Variants in KCNT2 observed in about 807,000 individuals in gnomAD.
KCNT2 encodes potassium channel subfamily T member 2.
A neutral mutation model predicts 153.8 loss-of-function variants in KCNT2; 67 were observed. The observed-to-expected ratio is 0.44, with a 90% confidence interval of 0.36 to 0.53. The LOEUF (loss-of-function observed/expected upper bound fraction) is 0.53, where lower values mean the gene tolerates loss of function less well. KCNT2 is among the 20% of genes least tolerant of loss of function. The pLI is 0.00. For missense variants in KCNT2, 975 were observed against 1,354.8 expected (o/e 0.72, Z 4.40); for synonymous variants, 500 against 458.8 (o/e 1.09, Z -1.15).
chr1:196,554,746 CT>C (rs1463427249), intron 1 of KCNT2, among the ~76,000 whole-genome samples: 9 of 151,190 alleles, frequency 6.0e-5, no homozygotes, highest in African/African-American at 1.9e-4. Flanking sequence ...ACACAAAATA[CT>C]AGCAAACCAA....
At chr1:196,351,192 T>A (rs879379748) in intron 14 of KCNT2, among the ~76,000 whole-genome samples, 2 of 152,180 alleles carry the variant, frequency 1.3e-5, no homozygotes, top group Non-Finnish European at 2.9e-5. Context: ...TGCGGGCTTT[T>A]TTTTGGTGCC....
At chr1:196,316,547 A>G (rs1662744087) in intron 20 of KCNT2, among the ~76,000 whole-genome samples, 1 of 151,734 alleles carries the variant, frequency 6.6e-6, no homozygotes, top group East Asian at 1.9e-4. Flanking sequence ...TATGTGCTAT[A>G]GATTGGTTCT....
intron 3 of KCNT2, among the ~76,000 whole-genome samples, chr1:196,483,338 C>A (rs1342230958): frequency 1.3e-5 from 2 of 152,154 alleles, no homozygotes; most frequent in Non-Finnish European, 2.9e-5. Context: ...TCACCTTATT[C>A]TAAGCCACCA....
At chr1:196,598,415 A>G (rs1664341380) in intron 1 of KCNT2, among the ~76,000 whole-genome samples, 1 of 152,172 alleles carries the variant, frequency 6.6e-6, no homozygotes, top group Non-Finnish European at 1.5e-5. Context: ...TTTCCATGTC[A>G]TTCTACTTTC....
intron 19 of KCNT2, among the ~76,000 whole-genome samples, chr1:196,325,614 C>T (rs1391983105): frequency 6.6e-6 from 1 of 152,052 alleles, no homozygotes; most frequent in Non-Finnish European, 1.5e-5. Context: ...TTTTAACAAA[C>T]TTTTATTTCT....
chr1:196,310,748 G>A (rs978831744), intron 21 of KCNT2, among the ~76,000 whole-genome samples: 5 of 151,548 alleles, frequency 3.3e-5, no homozygotes, highest in East Asian at 1.9e-4. Context: ...TTAACTGGTC[G>A]GCTCTCACCC....
chr1:196,523,292 A>T lies in KCNT2; in HGVS notation c.96-30951T>A, dbSNP rs1000451397. ...ATCTGAAGGAACAAACTCAGGACAC[A>T]CCATCTTTAAGAACGGTAACACTCA... On this transcript the variant is annotated intron_variant, in intron 1 of 27. Transcript: ENST00000294725. Among the ~76,000 whole-genome samples the T allele has an allele frequency of 4.6e-5, 7 of 152,134 alleles. No homozygotes were observed. The South Asian group carries it at 1.0e-3, about 23-fold the overall frequency.
intron 3 of KCNT2, among the ~76,000 whole-genome samples, chr1:196,485,494 T>C (rs1679347372): frequency 6.6e-6 from 1 of 152,018 alleles, no homozygotes; most frequent in Admixed American, 6.6e-5. Flanking sequence ...AGAAATCTGC[T>C]TACGTCAAAC....
intron 1 of KCNT2, among the ~76,000 whole-genome samples, chr1:196,535,660 G>A (rs1289815023): frequency 6.6e-6 from 1 of 152,156 alleles, no homozygotes; most frequent in Non-Finnish European, 1.5e-5. Context: ...TGGTGGGGTG[G>A]TGGGTAGCTA....
At chr1:196,286,300 G>A (rs1048363648) in intron 22 of KCNT2, among the ~76,000 whole-genome samples, 2 of 152,014 alleles carry the variant, frequency 1.3e-5, no homozygotes, top group Non-Finnish European at 2.9e-5. Context: ...CCTCATGAAT[G>A]CAATTGCCTT....
At chr1:196,538,951 T>C (rs1428980697) in intron 1 of KCNT2, among the ~76,000 whole-genome samples, 1 of 152,238 alleles carries the variant, frequency 6.6e-6, no homozygotes, top group Non-Finnish European at 1.5e-5. Flanking sequence ...TTCCATGAAA[T>C]GTATCCTTTT....
At chr1:196,445,952 A>G (rs1460604338) in intron 8 of KCNT2, among the ~76,000 whole-genome samples, 2 of 151,406 alleles carry the variant, frequency 1.3e-5, no homozygotes, top group Admixed American at 1.3e-4. Flanking sequence ...CTGATCAATG[A>G]TATTTGTTCA....
intron 1 of KCNT2, among the ~76,000 whole-genome samples, chr1:196,508,189 C>CAAAAAAAAAA (rs10539910): frequency 6.2e-4 from 37 of 59,976 alleles, no homozygotes; most frequent in African/African-American, 1.8e-3. Context: ...CCCTAAGTAG[C>CAAAAAAAAAA]AAAAAAAAAA....
At chr1:196,415,431 G>A (rs1214372043) in intron 12 of KCNT2, among the ~76,000 whole-genome samples, 2 of 151,692 alleles carry the variant, frequency 1.3e-5, no homozygotes, top group Admixed American at 1.3e-4. Flanking sequence ...GTGGTGTCCT[G>A]TATGCTAACA....
intron 3 of KCNT2, among the ~76,000 whole-genome samples, chr1:196,489,608 A>G (rs1400945839): frequency 1.3e-5 from 2 of 151,962 alleles, no homozygotes; most frequent in Admixed American, 1.3e-4. Context: ...ATAAAATTTT[A>G]TGCCTAACAG....
intron 25 of KCNT2, among the ~76,000 whole-genome samples, chr1:196,262,912 G>C (rs113188623): frequency 0.05 from 7,673 of 152,048 alleles, 288 homozygotes; most frequent in Non-Finnish European, 0.072. Flanking sequence ...AGAAAATAAT[G>C]TAATTTTAGA....
At chr1:196,429,021 T>C (rs1322148644) in intron 9 of KCNT2, among the ~76,000 whole-genome samples, 1 of 151,930 alleles carries the variant, frequency 6.6e-6, no homozygotes, top group Non-Finnish European at 1.5e-5. Flanking sequence ...TTTTTTTTTT[T>C]TTTGTAGAGA....
At chr1:196,561,630 G>GACA (rs1377601632) in intron 1 of KCNT2, among the ~76,000 whole-genome samples, 1 of 93,256 alleles carries the variant, frequency 1.1e-5, no homozygotes, top group Admixed American at 1.7e-4. Context: ...CTCCAGCCTG[G>GACA]ACACAGAGCG....
At chr1:196,377,622 G>A (rs1337380068) in intron 13 of KCNT2, among the ~76,000 whole-genome samples, 1 of 151,960 alleles carries the variant, frequency 6.6e-6, no homozygotes, top group Non-Finnish European at 1.5e-5. Flanking sequence ...TACATAGAGA[G>A]CTGATCTGAG....
Sources: allele counts gnomAD v4.1 joint callset (sites outside exome capture counted in the v4.1 genomes callset), GRCh38; gene constraint gnomAD v4.1.1; transcripts MANE v1.5; gene names NCBI Gene and HGNC (gene_info 2026-07-23, HGNC 2026-07-21).